Variants in TMCC3 observed in about 807,000 individuals in gnomAD.
TMCC3 encodes transmembrane and coiled-coil domain family 3.
TMCC3 carries 28 observed loss-of-function variants against 40.2 expected under a neutral mutation model. That is an observed-to-expected ratio of 0.70 (90% CI 0.52 to 0.95). The LOEUF is 0.95. Ranked by LOEUF, TMCC3 falls within the 40% of genes least tolerant of loss-of-function variation. The pLI is 0.00. For synonymous variants in TMCC3, 255 were observed against 248.5 expected, an observed-to-expected ratio of 1.03 and a Z score of -0.25; for missense variants, 554 against 615.2, an observed-to-expected ratio of 0.90 and a Z score of 1.05.
At chr12:94,614,706 T>C (rs958467607) in intron 1 of TMCC3, among the ~76,000 whole-genome samples, 6 of 152,116 alleles carry the variant, frequency 3.9e-5, no homozygotes, top group Admixed American at 6.6e-5. Flanking sequence ...TTGCATGATA[T>C]GCTGTCGGAA....
At chr12:94,613,220 T>C (rs2068826923) in intron 1 of TMCC3, among the ~76,000 whole-genome samples, 1 of 151,908 alleles carries the variant, frequency 6.6e-6, no homozygotes, top group African/African-American at 2.4e-5. Flanking sequence ...TCCCAGCACT[T>C]TGGGAGGCCG....
intron 1 of TMCC3, among the ~76,000 whole-genome samples, chr12:94,613,501 A>G (rs1341520514): frequency 6.6e-6 from 1 of 152,196 alleles, no homozygotes; most frequent in Non-Finnish European, 1.5e-5. Flanking sequence ...TAAAAGAAGC[A>G]AATCAAAGAA....
chr12:94,598,176 A>G (rs1362114619), intron 1 of TMCC3, among the ~76,000 whole-genome samples: 1 of 152,240 alleles, frequency 6.6e-6, no homozygotes, highest in Non-Finnish European at 1.5e-5. Context: ...ATCTTCTCAG[A>G]AAAGTGACTT....
chr12:94,617,228 C>A (rs1393111678), intron 1 of TMCC3, among the ~76,000 whole-genome samples: 5 of 152,166 alleles, frequency 3.3e-5, no homozygotes, highest in Non-Finnish European at 7.3e-5. Flanking sequence ...ACACAGACGT[C>A]CTGATGAACA....
intron 1 of TMCC3, among the ~76,000 whole-genome samples, chr12:94,629,913 T>C (rs1307652411): frequency 6.6e-6 from 1 of 152,232 alleles, no homozygotes; most frequent in Non-Finnish European, 1.5e-5. Context: ...TTATTTTAAA[T>C]AGAAGTTATA....
Position 94,570,182 on chromosome 12 carries a change from G to T in TMCC3, c.*1253C>A, listed in dbSNP as rs572865044. 5 of 152,176 alleles carry T rather than the reference G, an allele frequency of 3.3e-5. No individual in the cohort carries two copies. Among genetic ancestry groups the T allele is most frequent in the Non-Finnish European group, 5.9e-5 (4 of 68,042 alleles). The allele number at this position is 152,176 out of a possible 1,614,324, so 9.4% of individuals were successfully genotyped here. On this transcript the variant is annotated 3_prime_UTR_variant, in exon 4 of 4. Coordinates refer to ENST00000261226, the MANE Select transcript of TMCC3 (RefSeq NM_020698.4). ...TGCTAGTCTTTCACTTCTCAAAGAC[G>T]ATGCTCTCAATCTTCATCCAGGTGA...
At chr12:94,583,894 G>C (rs1430355192) in intron 1 of TMCC3, among the ~76,000 whole-genome samples, 2 of 152,170 alleles carry the variant, frequency 1.3e-5, no homozygotes, top group Non-Finnish European at 2.9e-5. Flanking sequence ...CTACAAACAA[G>C]TCTTAAGATC....
At chr12:94,622,753 A>G (rs900084085) in intron 1 of TMCC3, among the ~76,000 whole-genome samples, 5 of 151,956 alleles carry the variant, frequency 3.3e-5, no homozygotes, top group African/African-American at 1.2e-4. Flanking sequence ...TCAGACACGG[A>G]GCCTGTTACT....
chr12:94,593,012 C>T (rs2068688293), intron 1 of TMCC3, among the ~76,000 whole-genome samples: 1 of 151,940 alleles, frequency 6.6e-6, no homozygotes, highest in African/African-American at 2.4e-5. Flanking sequence ...GCCTGGCCAA[C>T]ATGGCAAAAC....
chr12:94,604,609 A>G (rs1238555319), intron 1 of TMCC3, among the ~76,000 whole-genome samples: 3 of 147,904 alleles, frequency 2.0e-5, no homozygotes, highest in African/African-American at 7.5e-5. Context: ...GTTTGAGACC[A>G]GCTAGGGCAC....
chr12:94,591,934 A>G (rs1214877544), intron 1 of TMCC3, among the ~76,000 whole-genome samples: 1 of 152,198 alleles, frequency 6.6e-6, no homozygotes, highest in Non-Finnish European at 1.5e-5. Flanking sequence ...CCTATACTAG[A>G]AAAATAACTC....
At chr12:94,578,896 G>A (rs1370952507) in intron 2 of TMCC3, among the ~76,000 whole-genome samples, 1 of 152,196 alleles carries the variant, frequency 6.6e-6, no homozygotes, top group African/African-American at 2.4e-5. Flanking sequence ...AGGACCTCTG[G>A]TGTCTGTGGT....
intron 1 of TMCC3, among the ~76,000 whole-genome samples, chr12:94,590,405 G>A (rs1248833699): frequency 6.6e-6 from 1 of 151,398 alleles, no homozygotes; most frequent in Non-Finnish European, 1.5e-5. Context: ...ACTTTATGAA[G>A]ATAAAAAAGC....
At chr12:94,615,982 C>T (rs1007156055) in intron 1 of TMCC3, 21 of 985,444 alleles carry the variant, frequency 2.1e-5, no homozygotes, top group Non-Finnish European at 2.4e-5. Context: ...CACCCTCCTG[C>T]CCGAGGCATT....
Position 94,650,553 on chromosome 12 carries a change from C to G in TMCC3, c.-123G>C. ...GGCGGCGCGGCTGCTGCAGCTGTTGCCTCTGGTGCCAACACCCGCGCGGCC... is the reference window on the plus strand; with the variant it reads ...GGCGGCGCGGCTGCTGCAGCTGTTGGCTCTGGTGCCAACACCCGCGCGGCC... On this transcript the variant is annotated 5_prime_UTR_variant, in exon 1 of 4. Transcript: ENST00000261226. 1.3e-6 allele frequency: 1 copy of G among 778,316 alleles called. No homozygotes were observed. The highest frequency in any genetic ancestry group is 1.7e-6 in the Non-Finnish European group (1 of 589,576). 48.2% of individuals were successfully genotyped at this position (778,316 alleles called of 1,614,324 possible).
intron 1 of TMCC3, chr12:94,609,708 G>T (rs942962339): frequency 2.0e-5 from 3 of 152,136 alleles, no homozygotes; most frequent in Admixed American, 2.0e-4. Context: ...CCTAAACTAA[G>T]AACAGAGGGC....
chr12:94,582,641 T>G, intron 1 of TMCC3, 103 bp from the exon 2 acceptor site: 3 of 1,096,364 alleles, frequency 2.7e-6, no homozygotes, highest in Non-Finnish European at 2.6e-6. Context: ...AGTCCCAGTT[T>G]TTCGAACTAC....
At chr12:94,583,132 T>C (rs960201672) in intron 1 of TMCC3, among the ~76,000 whole-genome samples, 69 of 148,496 alleles carry the variant, frequency 4.6e-4, no homozygotes, top group African/African-American at 1.7e-3. Flanking sequence ...AATAATTGGG[T>C]AATACAACAG....
chr12:94,625,572 C>T (rs59221975), intron 1 of TMCC3, among the ~76,000 whole-genome samples: 10,038 of 127,118 alleles, frequency 0.079, 695 homozygotes, highest in East Asian at 0.24. Flanking sequence ...CCAGTCTGGG[C>T]AACAGAGCAA....
Sources: allele counts gnomAD v4.1 joint callset (sites outside exome capture counted in the v4.1 genomes callset), GRCh38; gene constraint gnomAD v4.1.1; transcripts MANE v1.5; gene names NCBI Gene and HGNC (gene_info 2026-07-23, HGNC 2026-07-21).